PCDH7: variants seen among roughly 807,000 people sequenced by gnomAD.
PCDH7 encodes the protein protocadherin 7, also known as protocadherin-7.
In PCDH7, 17 loss-of-function variants were observed where a neutral mutation model predicts 58.9. The ratio of observed to expected loss-of-function variants is 0.29; its 90% CI spans 0.20 to 0.43. The LOEUF is 0.43. Ranked by LOEUF, PCDH7 falls within the 20% of genes least tolerant of loss-of-function variation. The pLI is 1.00. For synonymous variants in PCDH7, 664 were observed against 616.4 expected, an observed-to-expected ratio of 1.08 and a Z score of -1.14; for missense variants, 1,274 against 1,441.0, an observed-to-expected ratio of 0.88 and a Z score of 1.88.
At chr4:30,841,152 T>A (rs1213424700) in intron 1 of PCDH7, among the ~76,000 whole-genome samples, 2 of 152,120 alleles carry the variant, frequency 1.3e-5, no homozygotes, top group Non-Finnish European at 2.9e-5. Flanking sequence ...AGAATTAAAT[T>A]GAAGAAAGAA....
chr4:30,825,681 T>G (rs1729014138), intron 1 of PCDH7, among the ~76,000 whole-genome samples: 1 of 152,124 alleles, frequency 6.6e-6, no homozygotes, highest in African/African-American at 2.4e-5. Context: ...GGGTCAAAAT[T>G]TCATTGGGGA....
intron 1 of PCDH7, among the ~76,000 whole-genome samples, chr4:30,900,986 GTCA>G (rs1740139839): frequency 6.6e-6 from 1 of 152,084 alleles, no homozygotes; most frequent in African/African-American, 2.4e-5. Context: ...GGTTTTTGAT[GTCA>G]TCTTCATTGT....
chr4:31,073,328 A>G (rs1480596528), intron 3 of PCDH7, among the ~76,000 whole-genome samples: 1 of 152,182 alleles, frequency 6.6e-6, no homozygotes, highest in African/African-American at 2.4e-5. Context: ...TGTATACTCA[A>G]CCCACTGATA....
At chr4:30,868,703 G>C (rs1190076324) in intron 1 of PCDH7, among the ~76,000 whole-genome samples, 1 of 151,990 alleles carries the variant, frequency 6.6e-6, no homozygotes, top group African/African-American at 2.4e-5. Context: ...CCTGGAATAG[G>C]CCTGTTGTTT....
chr4:30,920,250 A>G, exon 2 of PCDH7: 1 of 1,367,710 alleles, frequency 7.3e-7, no homozygotes, highest in Non-Finnish European at 9.8e-7. Flanking sequence ...GAGGAGTCAG[A>G]AACACCAAGC....
chr4:30,922,055 A>G (rs2109416626), intron 2 of PCDH7, among the ~76,000 whole-genome samples: 1 of 151,906 alleles, frequency 6.6e-6, no homozygotes, highest in East Asian at 1.9e-4. Flanking sequence ...ATGTAGCCAC[A>G]TGTAATTGCA....
chr4:30,797,121 C>A (rs189139213), intron 1 of PCDH7, among the ~76,000 whole-genome samples: 1 of 151,812 alleles, frequency 6.6e-6, no homozygotes, highest in Non-Finnish European at 1.5e-5. Context: ...CCACCACGCC[C>A]GGCTAATTTT....
intron 3 of PCDH7, among the ~76,000 whole-genome samples, chr4:30,972,430 G>A (rs996998188): frequency 5.9e-5 from 9 of 152,080 alleles, no homozygotes; most frequent in African/African-American, 1.7e-4. Context: ...TATAAATGGT[G>A]AACCACTGTT....
At chr4:30,774,120 C>A (rs1397385632) in intron 1 of PCDH7, among the ~76,000 whole-genome samples, 1 of 152,148 alleles carries the variant, frequency 6.6e-6, no homozygotes, top group Non-Finnish European at 1.5e-5. Flanking sequence ...TCTGACTTTT[C>A]TCTGACCTCT....
intron 3 of PCDH7, among the ~76,000 whole-genome samples, chr4:30,973,957 G>A (rs566161147): frequency 1.3e-5 from 2 of 151,872 alleles, no homozygotes; most frequent in Non-Finnish European, 2.9e-5. Context: ...AAAATCACTA[G>A]TAAAACAGCA....
At chr4:30,984,329 T>A (rs1329141171) in intron 3 of PCDH7, among the ~76,000 whole-genome samples, 2 of 152,214 alleles carry the variant, frequency 1.3e-5, no homozygotes, top group South Asian at 4.1e-4. Context: ...TATTTGGGAA[T>A]CTTTGTCAGC....
chr4:30,761,005 A>T (rs1370415526), intron 1 of PCDH7, among the ~76,000 whole-genome samples: 1 of 152,152 alleles, frequency 6.6e-6, no homozygotes, highest in Non-Finnish European at 1.5e-5. Context: ...CTTAATCTTG[A>T]TGTTCACCAT....
intron 3 of PCDH7, among the ~76,000 whole-genome samples, chr4:31,126,841 G>A (rs1032321599): frequency 2.0e-5 from 3 of 152,168 alleles, no homozygotes; most frequent in African/African-American, 7.2e-5. Context: ...AACAATGCCT[G>A]TAATTTTATC....
At chr4:30,922,444 A>T (rs1743300682) in intron 2 of PCDH7, among the ~76,000 whole-genome samples, 1 of 151,996 alleles carries the variant, frequency 6.6e-6, no homozygotes, top group Non-Finnish European at 1.5e-5. Flanking sequence ...TTTTAATGTT[A>T]GTTTCTGTTT....
chr4:31,038,457 A>G (rs753275667), intron 3 of PCDH7, among the ~76,000 whole-genome samples: 3 of 152,232 alleles, frequency 2.0e-5, no homozygotes, highest in Non-Finnish European at 4.4e-5. Context: ...AATAAATACA[A>G]AGGTAGCCAG....
In PCDH7 at chr4:31,098,121, A is replaced by C. The variant is rs1714400363; in HGVS notation, c.*8-44352A>C. ...ACTCAGAGAAAAGACAAATTGAATC[A>C]GAACATAAGTTTCAGTAGCTACTGC... On this transcript the variant is annotated intron_variant, in intron 3 of 3. Transcript: ENST00000509759. Among the ~76,000 whole-genome samples the C allele has an allele frequency of 2.6e-5, 4 of 152,218 alleles. No individual in the cohort carries two copies. The South Asian group carries it at 8.3e-4, about 32-fold the overall frequency.
At chr4:30,814,028 C>T (rs1727345747) in intron 1 of PCDH7, among the ~76,000 whole-genome samples, 1 of 151,914 alleles carries the variant, frequency 6.6e-6, no homozygotes, top group African/African-American at 2.4e-5. Context: ...AATTTTTATC[C>T]CATCTTTGTA....
At chr4:30,851,387 G>T (rs1288317160) in intron 1 of PCDH7, among the ~76,000 whole-genome samples, 1 of 151,820 alleles carries the variant, frequency 6.6e-6, no homozygotes, top group Non-Finnish European at 1.5e-5. Context: ...AGTTTACCAG[G>T]CTCCCAAATC....
chr4:30,787,670 A>T (rs2109295584), intron 1 of PCDH7, among the ~76,000 whole-genome samples: 1 of 152,188 alleles, frequency 6.6e-6, no homozygotes, highest in South Asian at 2.1e-4. Flanking sequence ...ATTGAGGATG[A>T]ATTGCATGCT....
Sources: gnomAD v4.1 joint callset for allele counts (sites outside exome capture counted in the v4.1 genomes callset) on GRCh38, gnomAD v4.1.1 for gene constraint, MANE v1.5 for transcripts, NCBI Gene and HGNC (gene_info 2026-07-23, HGNC 2026-07-21) for gene names.